The following QRICH1 variants were observed in gnomAD, a reference collection of about 807,000 sequenced individuals.
QRICH1 encodes the protein glutamine rich 1.
In QRICH1, 16 loss-of-function variants were observed where a neutral mutation model predicts 87.1. That is an observed-to-expected ratio of 0.18 (90% CI 0.12 to 0.28). The LOEUF (loss-of-function observed/expected upper bound fraction) is 0.28. QRICH1 is among the 10% of genes least tolerant of loss of function. The pLI is 1.00. For synonymous variants in QRICH1, 367 were observed against 368.4 expected (o/e 1.00, Z 0.05); for missense variants, 647 against 951.7 (o/e 0.68, Z 4.21).
intron 2 of QRICH1, among the ~76,000 whole-genome samples, chr3:49,065,781 C>T (rs1045784801): frequency 3.3e-5 from 5 of 151,212 alleles, no homozygotes; most frequent in Non-Finnish European, 5.9e-5. Context: ...CCCGGGTTCA[C>T]GCCATTCTCC....
In QRICH1 at chr3:49,084,089, C is replaced by T. The variant is rs1258721570; in HGVS notation, c.-21-7051G>A. On this transcript the variant is annotated intron_variant, in intron 1 of 9. Coordinates refer to ENST00000395443, the MANE Select transcript of QRICH1 (RefSeq NM_198880.3). ...TGCTGGGATTACAGGTATGAGCCACCGCACCCGGCCCACATCCGGCTAATT... is the reference window on the plus strand; with the variant it reads ...TGCTGGGATTACAGGTATGAGCCACTGCACCCGGCCCACATCCGGCTAATT... Among the ~76,000 whole-genome samples, 47 of 151,962 alleles carry T rather than the reference C, an allele frequency of 3.1e-4. 1 individual carries two copies. The highest frequency in any genetic ancestry group is 1.9e-4 in the Non-Finnish European group (13 of 67,982).
At position 49,066,863 on chromosome 3, in the gene QRICH1, C is replaced by G. The variant is rs866496417; in HGVS notation, c.310-8973G>C. On this transcript the variant is annotated intron_variant, in intron 2 of 9. Coordinates refer to ENST00000395443, the MANE Select transcript of QRICH1 (RefSeq NM_198880.3). ...GACCAGCCTGGCCAACATGGTTAAA[C>G]CCCGTCTCTAATAAAAATACAAAAA... is the stretch of plus-strand genomic sequence containing the variant. 9.2e-5 allele frequency among the ~76,000 whole-genome samples: 14 copies of G among 152,074 alleles called. No homozygotes were observed. The East Asian group carries it at 9.7e-4, about 11-fold the overall frequency.
chr3:49,036,934 G>A (rs1050956628), intron 6 of QRICH1, among the ~76,000 whole-genome samples: 5 of 151,822 alleles, frequency 3.3e-5, no homozygotes, highest in Non-Finnish European at 5.9e-5. Context: ...ATGATGGCAT[G>A]TGCCTATGGC....
intron 6 of QRICH1, among the ~76,000 whole-genome samples, chr3:49,035,274 G>A (rs935068330): frequency 6.6e-6 from 1 of 152,158 alleles, no homozygotes; most frequent in Non-Finnish European, 1.5e-5. Flanking sequence ...GTCTTGCTAT[G>A]TTGCCCAGGC....
At chr3:49,068,493 G>A (rs955868816) in intron 2 of QRICH1, among the ~76,000 whole-genome samples, 17 of 150,106 alleles carry the variant, frequency 1.1e-4, no homozygotes, top group South Asian at 4.2e-4. Context: ...TTAGTTGGGC[G>A]TAGTAGCTGT....
intron 9 of QRICH1, among the ~76,000 whole-genome samples, chr3:49,031,715 G>A (rs904585818): frequency 2.6e-5 from 4 of 152,174 alleles, no homozygotes; most frequent in Admixed American, 2.6e-4. Context: ...AGTGTGGCTA[G>A]GGAACTAAGA....
chr3:49,058,253 G>A (rs1044633784), intron 2 of QRICH1, among the ~76,000 whole-genome samples: 12 of 150,292 alleles, frequency 8.0e-5, no homozygotes, highest in Admixed American at 7.3e-4. Context: ...GGGATCAAGC[G>A]ATTCTCCTGC....
Position 49,047,123 on chromosome 3 carries a change from T to C in QRICH1, c.1462A>G (p.Thr488Ala). 1 of 1,614,188 alleles carries C rather than the reference T, an allele frequency of 6.2e-7. No individual in the cohort carries two copies. The highest frequency in any genetic ancestry group is 8.5e-7 in the Non-Finnish European group (1 of 1,180,040). Residue 488 changes from threonine to alanine, a missense_variant, in exon 4 of 10, where the codon ACC becomes GCC. This residue lies in a region of QRICH1 where 187 missense variants were observed against 309.5 expected (regional missense o/e 0.60). Transcript: ENST00000395443. Reference protein sequence around the residue: ...GLEVWKNWAQTKNAELEKDAQ... With the variant: ...GLEVWKNWAQAKNAELEKDAQ... ...TCCTTCTCTAGTTCAGCATTCTTGG[T>C]CTGGGCCCAGTTTTTCCATACTTCA...
intron 3 of QRICH1, among the ~76,000 whole-genome samples, chr3:49,050,065 G>A (rs1306038718): frequency 4.6e-5 from 7 of 150,698 alleles, no homozygotes; most frequent in East Asian, 4.0e-4. Flanking sequence ...GGCTGGGCGC[G>A]GTGGCTCACG....
At chr3:49,094,083 G>A (rs1411859599), upstream of QRICH1, 4 of 398,526 alleles carry the variant, frequency 1.0e-5, no homozygotes, top group Non-Finnish European at 1.8e-5. Flanking sequence ...GGAGCCGATT[G>A]CTCCTCTCGC....
intron 6 of QRICH1, among the ~76,000 whole-genome samples, chr3:49,034,077 A>G (rs2093259442): frequency 1.3e-5 from 1 of 79,224 alleles, no homozygotes; most frequent in Admixed American, 1.5e-4. Context: ...TCTTTGGGGG[A>G]TTTTATTATT....
At chr3:49,092,549 G>C (rs546314464) in intron 1 of QRICH1, 1 of 152,100 alleles carries the variant, frequency 6.6e-6, no homozygotes, top group Admixed American at 6.6e-5. Flanking sequence ...CAGTACATTA[G>C]AAAGAACTAC....
chr3:49,030,014 T>C lies in QRICH1; in HGVS notation c.*438A>G, dbSNP rs1575314953. The C allele has an allele frequency of 1.7e-5, 4 of 239,416 alleles. No individual in the cohort carries two copies. The East Asian group carries it at 2.5e-4, about 15-fold the overall frequency. The allele number at this position is 239,416 out of a possible 1,614,324, so 14.8% of individuals were successfully genotyped here. A position where few individuals can be genotyped will look rare whatever the true frequency, so the allele number is the denominator to read the frequency against. On this transcript the variant is annotated 3_prime_UTR_variant, in exon 10 of 10. Coordinates refer to ENST00000395443, the MANE Select transcript of QRICH1 (RefSeq NM_198880.3). ...AAGATGCTAAGTTTATGTCTGATCA[T>C]GAAGAAAGAAAAGAACATCGTTCCC...
chr3:49,065,892 C>A (rs2093465639), intron 2 of QRICH1, among the ~76,000 whole-genome samples: 1 of 152,148 alleles, frequency 6.6e-6, no homozygotes, highest in African/African-American at 2.4e-5. Flanking sequence ...ACCGTGTTAG[C>A]CAGGATGGTC....
intron 6 of QRICH1, 40 bp downstream of exon 6, chr3:49,044,350 C>A (rs1030450220): frequency 1.4e-6 from 2 of 1,451,790 alleles, no homozygotes; most frequent in Non-Finnish European, 1.9e-6. Context: ...TTTCTTAAAT[C>A]CAGGTAGGAA....
chr3:49,044,280 G>A (rs2093327354), intron 6 of QRICH1, 110 bp downstream of exon 6: 13 of 838,030 alleles, frequency 1.6e-5, no homozygotes, highest in South Asian at 5.0e-5. Context: ...GCTGCAGTCT[G>A]GGATTTATAT....
At chr3:49,038,395 T>C (rs2093288692) in intron 6 of QRICH1, among the ~76,000 whole-genome samples, 1 of 151,844 alleles carries the variant, frequency 6.6e-6, no homozygotes, top group Non-Finnish European at 1.5e-5. Flanking sequence ...ATTATGGATT[T>C]ACCTTTTTTG....
intron 1 of QRICH1, among the ~76,000 whole-genome samples, chr3:49,077,272 C>T (rs931077788): frequency 6.6e-6 from 1 of 152,042 alleles, no homozygotes; most frequent in African/African-American, 2.4e-5. Context: ...CAAACACATG[C>T]TTCACAATAC....
intron 3 of QRICH1, among the ~76,000 whole-genome samples, chr3:49,050,248 C>CAAAA (rs527597101): frequency 5.0e-4 from 26 of 52,414 alleles, no homozygotes; most frequent in African/African-American, 1.4e-3. Context: ...GACTCCGTCT[C>CAAAA]AAAAAAAAAA....
Sources: allele counts gnomAD v4.1 joint callset (sites outside exome capture counted in the v4.1 genomes callset), GRCh38; gene constraint gnomAD v4.1.1; regional missense constraint gnomAD v4.1.1; transcripts MANE v1.5; gene names NCBI Gene and HGNC (gene_info 2026-07-23, HGNC 2026-07-21).